USP6NL: variants seen among roughly 807,000 people sequenced by gnomAD.
USP6NL encodes USP6 N-terminal-like protein.
USP6NL carries 26 observed loss-of-function variants against 61.9 expected under a neutral mutation model. The ratio of observed to expected loss-of-function variants is 0.42; its 90% confidence interval spans 0.31 to 0.58. USP6NL has a LOEUF of 0.58. Ranked by LOEUF, USP6NL falls within the 20% of genes least tolerant of loss-of-function variation. USP6NL has a pLI of 0.16. For synonymous variants in USP6NL, 432 were observed against 390.1 expected (o/e 1.11, Z -1.27); for missense variants, 1,114 against 1,034.3 (o/e 1.08, Z -1.06).
intron 13 of USP6NL, among the ~76,000 whole-genome samples, chr10:11,483,827 A>G (rs1396680373): frequency 3.9e-5 from 6 of 152,114 alleles, no homozygotes; most frequent in African/African-American, 1.4e-4. Context: ...TGGGGAAAGA[A>G]GAACTGAGTA....
chr10:11,524,191 TGA>T (rs1162766277), intron 4 of USP6NL, among the ~76,000 whole-genome samples: 1 of 152,190 alleles, frequency 6.6e-6, no homozygotes, highest in Non-Finnish European at 1.5e-5. Flanking sequence ...GCCAGGAGTT[TGA>T]GAAACAGGGC....
At chr10:11,569,203 A>G (rs866784837) in intron 2 of USP6NL, among the ~76,000 whole-genome samples, 40 of 152,372 alleles carry the variant, frequency 2.6e-4, no homozygotes, top group Middle Eastern at 6.8e-3. Context: ...TATAAGCTGA[A>G]AACGATTATC....
intron 2 of USP6NL, among the ~76,000 whole-genome samples, chr10:11,578,106 A>T (rs1396286109): frequency 6.6e-6 from 1 of 151,860 alleles, no homozygotes; most frequent in Non-Finnish European, 1.5e-5. Flanking sequence ...ACCACCAGCT[A>T]CTCAGGGTGT....
intron 2 of USP6NL, among the ~76,000 whole-genome samples, chr10:11,594,363 T>C (rs1157607740): frequency 6.6e-6 from 1 of 152,236 alleles, no homozygotes; most frequent in Admixed American, 6.5e-5. Flanking sequence ...GAATACTGCC[T>C]GTGTAACCAA....
At position 11,462,138 on chromosome 10, in the gene USP6NL, C is replaced by A; in HGVS notation, c.*303G>T. On this transcript the variant is annotated 3_prime_UTR_variant, in exon 15 of 15. Transcript: ENST00000609104. ...AATGAGCCAACAGAGTAAAAATGTT[C>A]AGGTTTTGGAGAAAAACATAACCGG... 3.1e-6 allele frequency: 1 copy of A among 318,450 alleles called. No individual in the cohort carries two copies. The highest frequency in any genetic ancestry group is 5.8e-6 in the Non-Finnish European group (1 of 173,646). The allele number at this position is 318,450 out of a possible 1,614,324, so 19.7% of individuals were successfully genotyped here.
Position 11,485,115 on chromosome 10 carries a change from C to T in USP6NL, c.826-45G>A, listed in dbSNP as rs963450935. 4 of 1,536,734 alleles carry T rather than the reference C, an allele frequency of 2.6e-6. No individual in the cohort carries two copies. The highest frequency in any genetic ancestry group is 3.5e-6 in the Non-Finnish European group (4 of 1,140,626). ...AAAACAAAAATAGGGTTAACAGCTT[C>T]CCCTCACCTTGTATTTATAATTTTA... On this transcript the variant is annotated intron_variant, in intron 12 of 14. Transcript: ENST00000609104. This position sits in a 1 kb window ranked among gnomAD's most constrained non-coding sequence, Gnocchi z 4.8.
intron 6 of USP6NL, among the ~76,000 whole-genome samples, chr10:11,506,295 T>TAAATCAA (rs1275150031): frequency 6.6e-6 from 1 of 152,228 alleles, no homozygotes; most frequent in Non-Finnish European, 1.5e-5. Context: ...CATGACCAGT[T>TAAATCAA]AAATCATAAT....
chr10:11,563,551 G>A (rs1837021049), intron 2 of USP6NL: 1 of 151,880 alleles, frequency 6.6e-6, no homozygotes, highest in African/African-American at 2.4e-5. Context: ...AAAAATGGAG[G>A]AAACTGAGTA....
At chr10:11,569,179 G>A (rs577097369) in intron 2 of USP6NL, among the ~76,000 whole-genome samples, 1 of 152,304 alleles carries the variant, frequency 6.6e-6, no homozygotes, top group East Asian at 1.9e-4. Context: ...ATAGCAAAAT[G>A]AGTACATTTT....
At chr10:11,534,444 T>TGC (rs1835763063) in intron 2 of USP6NL, among the ~76,000 whole-genome samples, 2 of 152,332 alleles carry the variant, frequency 1.3e-5, no homozygotes, top group South Asian at 4.1e-4. Context: ...AAATGCCAAC[T>TGC]GCGTAGCTGC....
intron 7 of USP6NL, among the ~76,000 whole-genome samples, chr10:11,497,106 T>C (rs1044701265): frequency 4.0e-5 from 6 of 151,172 alleles, no homozygotes; most frequent in Admixed American, 3.9e-4. Context: ...TTTTTTTTTT[T>C]TTTTTTTAAG....
chr10:11,598,812 T>C lies in USP6NL; in HGVS notation c.-83-1095A>G, dbSNP rs886458891. 6.6e-6 allele frequency among the ~76,000 whole-genome samples: 1 copy of C among 152,276 alleles called. No individual in the cohort carries two copies. The highest frequency in any genetic ancestry group is 2.1e-4 in the South Asian group (1 of 4,838). On this transcript the variant is annotated intron_variant, in intron 1 of 14. Coordinates refer to ENST00000609104, the MANE Select transcript of USP6NL (RefSeq NM_014688.5). This position sits in a 1 kb window ranked among gnomAD's most constrained non-coding sequence, Gnocchi z 4.7. The stretch of plus-strand genomic sequence containing the variant: ...ACATCTATATACTGTACTTGCGTCA[T>C]GTAATATACATGAGAAGTATTTCAT...
At chr10:11,515,538 G>C (rs1834918351) in intron 5 of USP6NL, among the ~76,000 whole-genome samples, 2 of 152,182 alleles carry the variant, frequency 1.3e-5, no homozygotes, top group Non-Finnish European at 2.9e-5. Context: ...GCAATCTTAT[G>C]GAAGTGAGCT....
At position 11,533,735 on chromosome 10, in the gene USP6NL, T is replaced by A. The variant is rs191597782; in HGVS notation, c.5-6168A>T. ...TCCAGAACCCATTAAATGATACATC[T>A]GTGTTGTTTAAGCCACCAAGTTTGT... is the stretch of plus-strand genomic sequence containing the variant. On this transcript the variant is annotated intron_variant, in intron 2 of 14. Coordinates refer to ENST00000609104, the MANE Select transcript of USP6NL (RefSeq NM_014688.5). Among the ~76,000 whole-genome samples, 5 of 152,344 alleles carry A rather than the reference T, an allele frequency of 3.3e-5. No individual in the cohort carries two copies. In the East Asian group the frequency reaches 9.6e-4, roughly 29 times the overall value.
intron 2 of USP6NL, among the ~76,000 whole-genome samples, chr10:11,541,267 A>G (rs1462967767): frequency 5.4e-5 from 7 of 130,366 alleles, no homozygotes; most frequent in East Asian, 2.3e-4. Context: ...ATATATATAT[A>G]TATATATATG....
intron 2 of USP6NL, chr10:11,563,295 T>C (rs942254638): frequency 6.6e-6 from 1 of 152,116 alleles, no homozygotes; most frequent in Non-Finnish European, 1.5e-5. Flanking sequence ...GGGAAGGGTA[T>C]GATAGAAAGG....
chr10:11,489,048 A>G lies in USP6NL; in HGVS notation c.664+54T>C. ...TTGCAAGCATCTTTGGTTTTGTTTT[A>G]ATCTACTTTTTTCCCTACCTTGATT... On this transcript the variant is annotated intron_variant, in intron 10 of 14. Transcript: ENST00000609104. The surrounding 1 kb of genome is among the most constrained non-coding windows in gnomAD (Gnocchi z 5.7). The G allele has an allele frequency of 6.3e-7, 1 of 1,596,382 alleles. No individual in the cohort carries two copies. The highest frequency in any genetic ancestry group is 1.7e-5 in the Admixed American group (1 of 58,542).
At chr10:11,567,060 A>G (rs1311971138) in intron 2 of USP6NL, among the ~76,000 whole-genome samples, 1 of 152,214 alleles carries the variant, frequency 6.6e-6, no homozygotes, top group African/African-American at 2.4e-5. Flanking sequence ...GCTGCAGTGA[A>G]CTATGATCTC....
chr10:11,609,852 G>C (rs1292737249), intron 1 of USP6NL, among the ~76,000 whole-genome samples: 1 of 152,144 alleles, frequency 6.6e-6, no homozygotes, highest in Non-Finnish European at 1.5e-5. Context: ...TTCACTTACT[G>C]GCTTGTTTAA....
Sources: gnomAD v4.1 joint callset for allele counts (sites outside exome capture counted in the v4.1 genomes callset) on GRCh38, gnomAD v4.1.1 for gene constraint, Gnocchi (gnomAD v3.1) non-coding constraint, MANE v1.5 for transcripts, NCBI Gene and HGNC (gene_info 2026-07-23, HGNC 2026-07-21) for gene names.